ACBD6: variants seen among roughly 807,000 people sequenced by gnomAD.
ACBD6 encodes the protein acyl-CoA binding domain containing 6.
Under a neutral mutation model 37.2 loss-of-function variants are expected in ACBD6, and 28 were observed. The ratio of observed to expected loss-of-function variants is 0.75; its 90% CI spans 0.56 to 1.03. The LOEUF (loss-of-function observed/expected upper bound fraction) is 1.03, where lower values mean the gene tolerates loss of function less well. Among genes scored for constraint, ACBD6 ranks in the 50% least tolerant of loss-of-function variants. The pLI, the probability that ACBD6 is intolerant of heterozygous loss-of-function variation, is 0.00. For synonymous variants in ACBD6, 113 were observed against 126.8 expected, an observed-to-expected ratio of 0.89 and a Z score of 0.73; for missense variants, 340 against 337.4, an observed-to-expected ratio of 1.01 and a Z score of -0.06.
At chr1:180,448,196 T>C (rs1194287652) in intron 3 of ACBD6, among the ~76,000 whole-genome samples, 1 of 152,210 alleles carries the variant, frequency 6.6e-6, no homozygotes, top group African/African-American at 2.4e-5. Context: ...TTGGAAAGTA[T>C]ATGGCAATCC....
chr1:180,361,075 G>A (rs1652830211), intron 6 of ACBD6, among the ~76,000 whole-genome samples: 1 of 152,056 alleles, frequency 6.6e-6, no homozygotes, highest in African/African-American at 2.4e-5. Context: ...CCATTTGCTG[G>A]GCTAAAACAA....
exon 14 of ACBD6, chr1:180,271,890 G>T (rs569913726): frequency 1.9e-6 from 3 of 1,613,542 alleles, no homozygotes; most frequent in Non-Finnish European, 2.5e-6. Context: ...GATGCAGGGC[G>T]GCACCGCTGG....
rs148603791 is a variant in ACBD6, at chr1:180,424,780, C to CA, written c.467+5399dup. Among the ~76,000 whole-genome samples the CA allele has an allele frequency of 4.7e-3, 721 of 152,124 alleles. 5 individuals carry two copies. The highest frequency in any genetic ancestry group is 0.016 in the African/African-American group (679 of 41,514). ...AAGAGGAGAAGAAAAAAGAAGAAAA[C>CA]AGAGAGGAAGAAAAGGTGATGGTTT... On this transcript the variant is annotated intron_variant, in intron 4 of 7. Transcript: ENST00000367595.
chr1:180,283,362 T>G (rs1006979017), downstream of ACBD6, among the ~76,000 whole-genome samples: 4 of 152,148 alleles, frequency 2.6e-5, no homozygotes, highest in African/African-American at 9.7e-5. Context: ...AGCATTAGGT[T>G]CAAATGGTGA....
chr1:180,390,006 A>G (rs1274787897), intron 6 of ACBD6, among the ~76,000 whole-genome samples: 2 of 151,616 alleles, frequency 1.3e-5, no homozygotes, highest in Admixed American at 6.6e-5. Context: ...CTTTAGTTTA[A>G]TTAGATCCTA....
intron 5 of ACBD6, among the ~76,000 whole-genome samples, chr1:180,402,957 A>G (rs1030606965): frequency 6.6e-6 from 1 of 152,200 alleles, no homozygotes; most frequent in Non-Finnish European, 1.5e-5. Context: ...CAGCCCAGGT[A>G]TCCATCATAA....
intron 10 of ACBD6, chr1:180,274,219 T>C (rs777542565): frequency 1.9e-6 from 3 of 1,614,142 alleles, no homozygotes; most frequent in East Asian, 2.2e-5. Flanking sequence ...GCCACACCAA[T>C]AGGATTTATG....
At chr1:180,287,907 G>A (rs114089826), downstream of ACBD6, among the ~76,000 whole-genome samples, 824 of 152,054 alleles carry the variant, frequency 5.4e-3, 7 homozygotes, top group African/African-American at 0.019. Flanking sequence ...AGTTATGTCT[G>A]CCAAAAGAAT....
chr1:180,492,005 T>G (rs1054923847), intron 3 of ACBD6, among the ~76,000 whole-genome samples: 3 of 152,126 alleles, frequency 2.0e-5, no homozygotes, highest in Non-Finnish European at 4.4e-5. Context: ...AGATGAGATT[T>G]CACCATGCTG....
intron 3 of ACBD6, among the ~76,000 whole-genome samples, chr1:180,432,210 A>T (rs1648842251): frequency 1.3e-5 from 2 of 152,096 alleles, no homozygotes. Context: ...TGTCTCAAAA[A>T]AAAAAAAAAA....
intron 7 of ACBD6, among the ~76,000 whole-genome samples, chr1:180,300,367 C>T (rs1373803398): frequency 6.6e-6 from 1 of 152,056 alleles, no homozygotes; most frequent in Non-Finnish European, 1.5e-5. Flanking sequence ...GATCCTCTGG[C>T]ATATAATAGG....
At chr1:180,290,070 G>T (rs1344851289) in intron 7 of ACBD6, among the ~76,000 whole-genome samples, 1 of 152,110 alleles carries the variant, frequency 6.6e-6, no homozygotes, top group East Asian at 1.9e-4. Context: ...TAAAAGCTTT[G>T]TTTAAATTCT....
At chr1:180,370,989 TTC>T (rs1653241101) in intron 6 of ACBD6, among the ~76,000 whole-genome samples, 4 of 152,236 alleles carry the variant, frequency 2.6e-5, no homozygotes, top group Admixed American at 2.6e-4. Flanking sequence ...TGTTTATTAG[TTC>T]TGTTTAAAAA....
chr1:180,273,921 G>A (rs964818428), intron 11 of ACBD6: 51 of 520,952 alleles, frequency 9.8e-5, no homozygotes, highest in Non-Finnish European at 1.7e-4. Context: ...GAGCCACAAG[G>A]GACCAACGAG....
At chr1:180,377,575 G>T (rs1227150506) in intron 6 of ACBD6, among the ~76,000 whole-genome samples, 1 of 152,144 alleles carries the variant, frequency 6.6e-6, no homozygotes, top group African/African-American at 2.4e-5. Flanking sequence ...TAAAAGAAAA[G>T]AGGAAAACAG....
intron 6 of ACBD6, among the ~76,000 whole-genome samples, chr1:180,343,328 T>C (rs1306454760): frequency 1.3e-5 from 2 of 152,098 alleles, no homozygotes; most frequent in African/African-American, 2.4e-5. Flanking sequence ...CTATAAGCAA[T>C]ATACATAAAT....
intron 7 of ACBD6, among the ~76,000 whole-genome samples, chr1:180,314,161 C>T (rs1267440763): frequency 3.3e-5 from 5 of 152,236 alleles, no homozygotes; most frequent in South Asian, 2.1e-4. Flanking sequence ...GGGGCTAGCA[C>T]GGTCTCTATT....
At chr1:180,413,531 T>C in intron 4 of ACBD6, 60 bp from the exon 5 acceptor site, 5 of 1,285,020 alleles carry the variant, frequency 3.9e-6, no homozygotes, top group Non-Finnish European at 5.6e-6. Flanking sequence ...TTACATATTT[T>C]CAACACAATC....
chr1:180,307,001 T>G (rs372736764), intron 7 of ACBD6, among the ~76,000 whole-genome samples: 1 of 152,208 alleles, frequency 6.6e-6, no homozygotes, highest in East Asian at 1.9e-4. Context: ...GTCCCAATCA[T>G]GGGTATATAC....
Sources: allele counts gnomAD v4.1 joint callset (sites outside exome capture counted in the v4.1 genomes callset), GRCh38; gene constraint gnomAD v4.1.1; transcripts MANE v1.5; gene names NCBI Gene and HGNC (gene_info 2026-07-23, HGNC 2026-07-21).